The following SYNE2 variants were observed in gnomAD, a reference collection of about 807,000 sequenced individuals.
SYNE2 encodes spectrin repeat containing nuclear envelope protein 2, also known as nesprin-2.
A neutral mutation model predicts 856.3 loss-of-function variants in SYNE2; 431 were observed. The observed-to-expected ratio is 0.50, with a 90% CI of 0.47 to 0.55. The LOEUF (loss-of-function observed/expected upper bound fraction) is 0.55, where lower values mean the gene tolerates loss of function less well. SYNE2 is among the 20% of genes least tolerant of loss of function. The pLI is 0.00. For synonymous variants in SYNE2, 2,923 were observed against 2,872.3 expected, an observed-to-expected ratio of 1.02 and a Z score of -0.56; for missense variants, 8,129 against 8,023.2, an observed-to-expected ratio of 1.01 and a Z score of -0.50.
Position 64,148,493 on chromosome 14 carries a change from C to T in SYNE2, c.15639+2270C>T, listed in dbSNP as rs562946480. Among the ~76,000 whole-genome samples, 4 of 152,250 alleles carry T rather than the reference C, an allele frequency of 2.6e-5. 1 individual carries two copies. The South Asian group carries it at 8.3e-4, about 32-fold the overall frequency. On this transcript the variant is annotated intron_variant, in intron 84 of 115. Coordinates refer to ENST00000555002, the MANE Select transcript of SYNE2 (RefSeq NM_182914.3). ...ATTTGCCTCTGTGCCATTACATTTG[C>T]AGCTGATTGCAGAATTATTTCTACT...
chr14:63,939,473 A>C (rs2095876177), intron 2 of SYNE2, among the ~76,000 whole-genome samples: 1 of 149,708 alleles, frequency 6.7e-6, no homozygotes, highest in Non-Finnish European at 1.5e-5. Context: ...TCAGCCTCCC[A>C]AGTAGCTGGG....
intron 1 of SYNE2, among the ~76,000 whole-genome samples, chr14:63,881,290 T>C (rs1319685532): frequency 6.6e-6 from 1 of 152,092 alleles, no homozygotes. Context: ...AAGGAAACTT[T>C]TATGTTTTTG....
rs756185673 is a variant in SYNE2 at position 63,954,793 on chromosome 14, C to T, written c.665C>T (p.Ala222Val). 4.3e-5 allele frequency: 70 copies of T among 1,613,810 alleles called. 1 individual carries two copies. The South Asian group carries it at 7.5e-4, about 17-fold the overall frequency. Residue 222 changes from alanine to valine, a missense_variant, in exon 8 of 116, where the codon GCC (alanine) becomes GTC (valine). Physicochemically the swap from Ala to Val is moderately conservative, Grantham distance 64. Transcript: ENST00000555002. ...ATGGCTTTTTTGGCCATCATTCATGCCTTGCGACCAGACCTAATTGACATG... is the reference window on the plus strand; with the variant it reads ...ATGGCTTTTTTGGCCATCATTCATGTCTTGCGACCAGACCTAATTGACATG... ...NGMAFLAIIH[A>V]LRPDLIDMKS...
chr14:63,914,756 T>C (rs931541524), intron 2 of SYNE2, among the ~76,000 whole-genome samples: 2 of 152,188 alleles, frequency 1.3e-5, no homozygotes, highest in African/African-American at 4.8e-5. Context: ...ATGCCCACAT[T>C]ACTAACTTTA....
chr14:63,960,811 G>C lies in SYNE2; in HGVS notation c.788-714G>C, dbSNP rs1279945434. On this transcript the variant is annotated intron_variant, in intron 8 of 115. Coordinates refer to ENST00000555002, the MANE Select transcript of SYNE2 (RefSeq NM_182914.3). Reference sequence around the variant, plus strand: ...TCTTGTGCCAGCTACTTGTGAGGCTGAGATTGGAGGACTGTTTGAGGCCAG... The same window carrying C: ...TCTTGTGCCAGCTACTTGTGAGGCTCAGATTGGAGGACTGTTTGAGGCCAG... 5 of 760,780 alleles carry C rather than the reference G, an allele frequency of 6.6e-6. No homozygotes were observed. The South Asian group carries it at 6.8e-5, about 10-fold the overall frequency. 47.1% of individuals were successfully genotyped at this position (760,780 alleles called of 1,614,324 possible). A position where few individuals can be genotyped will look rare whatever the true frequency, so the allele number is the denominator to read the frequency against.
chr14:63,763,330 A>T (rs1886558725), intron 1 of SYNE2, among the ~76,000 whole-genome samples: 1 of 152,198 alleles, frequency 6.6e-6, no homozygotes, highest in Non-Finnish European at 1.5e-5. Flanking sequence ...TAAAGAAGTA[A>T]TGCCCATGGT....
At chr14:64,179,801 A>G (rs1264848796) in intron 96 of SYNE2, among the ~76,000 whole-genome samples, 2 of 152,034 alleles carry the variant, frequency 1.3e-5, no homozygotes, top group African/African-American at 4.8e-5. Context: ...GAGTATATAC[A>G]TTGCAAATGT....
intron 99 of SYNE2, chr14:64,190,745 G>A: frequency 1.5e-6 from 1 of 659,834 alleles, no homozygotes; most frequent in Non-Finnish European, 2.7e-6. Context: ...TGGGTGTCTT[G>A]TCCTAGGATG....
At chr14:64,115,193 T>C (rs1023593438) in intron 66 of SYNE2, among the ~76,000 whole-genome samples, 1 of 152,170 alleles carries the variant, frequency 6.6e-6, no homozygotes, top group African/African-American at 2.4e-5. Flanking sequence ...CCACTTGTAG[T>C]GAGTTCAAGG....
Position 63,958,878 on chromosome 14 carries a change from A to G in SYNE2, c.788-2647A>G, listed in dbSNP as rs541231445. 1.0e-3 allele frequency among the ~76,000 whole-genome samples: 158 copies of G among 152,264 alleles called. 1 individual carries two copies. Among genetic ancestry groups the G allele is most frequent in the Non-Finnish European group, 1.5e-3 (105 of 68,022 alleles). ...ACTACTTCGTTTATTTTAATGGTCA[A>G]TTTTTTAAAAAGTCCTCTTTACGCT... On this transcript the variant is annotated intron_variant, in intron 8 of 115. Transcript: ENST00000555002.
intron 1 of SYNE2, among the ~76,000 whole-genome samples, chr14:63,875,432 T>C (rs1029739475): frequency 1.3e-5 from 2 of 152,196 alleles, no homozygotes; most frequent in African/African-American, 4.8e-5. Flanking sequence ...TATTTAAAGA[T>C]TCACAATAAC....
Position 64,225,551 on chromosome 14 carries a change from C to T in SYNE2, c.*25C>T, listed in dbSNP as rs370440866. ...GAGGGCATAGCTGGCCACAGTGCTACACCACCTGCCTGATTGCCAAGGGTG... is the reference window on the plus strand; with the variant it reads ...GAGGGCATAGCTGGCCACAGTGCTATACCACCTGCCTGATTGCCAAGGGTG... On this transcript the variant is annotated 3_prime_UTR_variant, in exon 116 of 116. Transcript: ENST00000555002. 53 of 1,609,868 alleles carry T rather than the reference C, an allele frequency of 3.3e-5. No individual in the cohort carries two copies. The highest frequency in any genetic ancestry group is 4.3e-5 in the Non-Finnish European group (51 of 1,177,246).
At chr14:64,172,051 C>T (rs903065950) in intron 94 of SYNE2, among the ~76,000 whole-genome samples, 2 of 151,988 alleles carry the variant, frequency 1.3e-5, no homozygotes, top group Non-Finnish European at 2.9e-5. Flanking sequence ...AGGTTTCACC[C>T]TGTTGGCCAG....
Position 64,020,035 on chromosome 14 carries a change from G to C in SYNE2, c.5093G>C (p.Arg1698Thr), listed in dbSNP as rs1454670357. Residue 1698 changes from arginine (R) to threonine (T), a missense_variant, in exon 35 of 116, where the codon AGA becomes ACA. Transcript: ENST00000555002. ...GAACAAAAAACTTCAGAATTTTCTA[G>C]AAGAGTGGCTGAAATACAGTTTTTG... ...VHEQKTSEFS[R>T]RVAEIQFLLQ... is the part of the protein sequence containing the mutation. The C allele has an allele frequency of 2.5e-6, 4 of 1,613,852 alleles. No individual in the cohort carries two copies.
chr14:63,943,193 C>CT (rs1320061052), intron 6 of SYNE2, among the ~76,000 whole-genome samples: 1 of 152,218 alleles, frequency 6.6e-6, no homozygotes, highest in African/African-American at 2.4e-5. Flanking sequence ...TATCCCAAGA[C>CT]TGAGTTGTGG....
chr14:63,859,895 C>T (rs979968779), intron 1 of SYNE2, among the ~76,000 whole-genome samples: 2 of 151,936 alleles, frequency 1.3e-5, no homozygotes, highest in Non-Finnish European at 2.9e-5. Context: ...TCCTTTCCTC[C>T]CTCCTTTCTC....
intron 73 of SYNE2, among the ~76,000 whole-genome samples, chr14:64,127,985 T>A (rs1449434138): frequency 6.6e-6 from 1 of 152,168 alleles, no homozygotes; most frequent in African/African-American, 2.4e-5. Flanking sequence ...TATTTATCCA[T>A]CATGACATGT....
intron 1 of SYNE2, among the ~76,000 whole-genome samples, chr14:63,775,932 G>A (rs777725493): frequency 6.6e-6 from 1 of 152,132 alleles, no homozygotes; most frequent in Non-Finnish European, 1.5e-5. Flanking sequence ...ACCATTAGAC[G>A]CATACAGAGT....
At chr14:64,000,115 T>C (rs2096742601) in intron 27 of SYNE2, among the ~76,000 whole-genome samples, 1 of 152,234 alleles carries the variant, frequency 6.6e-6, no homozygotes, top group Non-Finnish European at 1.5e-5. Context: ...AGTATAGAAT[T>C]ATAGATGTTA....
Sources: gnomAD v4.1 joint callset for allele counts (sites outside exome capture counted in the v4.1 genomes callset) on GRCh38, gnomAD v4.1.1 for gene constraint, MANE v1.5 for transcripts, NCBI Gene and HGNC (gene_info 2026-07-23, HGNC 2026-07-21) for gene names.